Variants in GRID2 observed in about 807,000 individuals in gnomAD.
GRID2 encodes glutamate receptor ionotropic, delta-2.
A neutral mutation model predicts 114.8 loss-of-function variants in GRID2; 33 were observed. The ratio of observed to expected loss-of-function variants is 0.29; its 90% CI spans 0.22 to 0.38. The LOEUF is 0.38. Among genes scored for constraint, GRID2 ranks in the 10% least tolerant of loss-of-function variants. The pLI, the probability that GRID2 is intolerant of heterozygous loss-of-function variation, is 1.00. For synonymous variants in GRID2, 505 were observed against 449.9 expected, an observed-to-expected ratio of 1.12 and a Z score of -1.55; for missense variants, 1,184 against 1,257.7, an observed-to-expected ratio of 0.94 and a Z score of 0.89.
At chr4:92,789,547 C>T (rs189907563) in intron 2 of GRID2, among the ~76,000 whole-genome samples, 27 of 151,914 alleles carry the variant, frequency 1.8e-4, no homozygotes, top group East Asian at 1.6e-3. Context: ...TCTCCTCTTT[C>T]GGATCTATTG....
intron 8 of GRID2, among the ~76,000 whole-genome samples, chr4:93,253,432 G>A (rs1057482079): frequency 4.6e-5 from 7 of 151,960 alleles, no homozygotes; most frequent in Middle Eastern, 3.4e-3. Flanking sequence ...ATATTAGATC[G>A]TTTTAAATAA....
At chr4:93,068,189 G>T (rs1345701281) in intron 2 of GRID2, among the ~76,000 whole-genome samples, 1 of 151,998 alleles carries the variant, frequency 6.6e-6, no homozygotes, top group Non-Finnish European at 1.5e-5. Flanking sequence ...TTTAAAAAAT[G>T]TGAATAATGG....
At chr4:93,201,881 C>T (rs1035398868) in intron 4 of GRID2, among the ~76,000 whole-genome samples, 3 of 152,128 alleles carry the variant, frequency 2.0e-5, no homozygotes, top group African/African-American at 7.2e-5. Flanking sequence ...GACAGATGGT[C>T]TGTCCTTACT....
chr4:92,373,573 G>T (rs1729217217), intron 1 of GRID2, among the ~76,000 whole-genome samples: 1 of 152,152 alleles, frequency 6.6e-6, no homozygotes, highest in Non-Finnish European at 1.5e-5. Context: ...TGCCGGATAT[G>T]AATATTTTCT....
chr4:93,252,038 G>A (rs1267196286), intron 8 of GRID2, among the ~76,000 whole-genome samples: 1 of 151,978 alleles, frequency 6.6e-6, no homozygotes, highest in African/African-American at 2.4e-5. Flanking sequence ...CAGTCTTTAG[G>A]ACTTTCAGGA....
intron 8 of GRID2, among the ~76,000 whole-genome samples, chr4:93,387,664 T>C (rs777158334): frequency 6.6e-6 from 1 of 151,986 alleles, no homozygotes; most frequent in Non-Finnish European, 1.5e-5. Context: ...ACCCCATCTC[T>C]ACTAAAAATA....
At chr4:92,888,803 G>T (rs1238663937) in intron 2 of GRID2, among the ~76,000 whole-genome samples, 1 of 150,272 alleles carries the variant, frequency 6.7e-6, no homozygotes, top group South Asian at 2.1e-4. Context: ...ACCATATAGT[G>T]ATCCACTTAT....
chr4:93,012,765 A>T (rs1296432877), intron 2 of GRID2, among the ~76,000 whole-genome samples: 1 of 151,674 alleles, frequency 6.6e-6, no homozygotes, highest in Non-Finnish European at 1.5e-5. Context: ...GGGTTCTTTG[A>T]ATTGCTTACC....
intron 8 of GRID2, among the ~76,000 whole-genome samples, chr4:93,278,161 A>G (rs2149580790): frequency 6.6e-6 from 1 of 152,038 alleles, no homozygotes; most frequent in Non-Finnish European, 1.5e-5. Flanking sequence ...AAACATCGAT[A>G]ATGATTTCAA....
chr4:92,708,187 G>T (rs1431800521), intron 2 of GRID2, among the ~76,000 whole-genome samples: 1 of 152,158 alleles, frequency 6.6e-6, no homozygotes, highest in Non-Finnish European at 1.5e-5. Context: ...GGGAATGAAG[G>T]CAGTTTTACT....
intron 4 of GRID2, among the ~76,000 whole-genome samples, chr4:93,183,906 G>A (rs2149438764): frequency 6.6e-6 from 1 of 152,286 alleles, no homozygotes; most frequent in South Asian, 2.1e-4. Flanking sequence ...ATTTTTAAGT[G>A]TCCACTGTAC....
At chr4:93,661,569 TAAATAAGCCTTCTATA>T (rs1723493977) in intron 14 of GRID2, among the ~76,000 whole-genome samples, 1 of 152,146 alleles carries the variant, frequency 6.6e-6, no homozygotes, top group Non-Finnish European at 1.5e-5. Flanking sequence ...CAATATATAT[TAAATAAGCCTTCTATA>T]AACAGAAACA....
intron 10 of GRID2, 140 bp from the exon 11 acceptor site, chr4:93,455,522 C>T (rs1442020625): frequency 6.5e-6 from 4 of 618,542 alleles, no homozygotes; most frequent in South Asian, 6.0e-5. Context: ...TGTAAGAAGT[C>T]TATGCAGTGT....
At chr4:92,646,626 A>T (rs1731643770) in intron 2 of GRID2, among the ~76,000 whole-genome samples, 1 of 152,240 alleles carries the variant, frequency 6.6e-6, no homozygotes, top group Non-Finnish European at 1.5e-5. Flanking sequence ...GCTGGGGCTA[A>T]CAGTTTAATC....
intron 1 of GRID2, among the ~76,000 whole-genome samples, chr4:92,442,952 A>C (rs1439495140): frequency 6.6e-6 from 1 of 152,060 alleles, no homozygotes. Context: ...TGATAAAAAG[A>C]TTATAGGGTG....
intron 4 of GRID2, among the ~76,000 whole-genome samples, chr4:93,153,386 C>T (rs1247268337): frequency 2.6e-5 from 4 of 152,008 alleles, no homozygotes; most frequent in Non-Finnish European, 5.9e-5. Flanking sequence ...CTGATTTTTG[C>T]AGGCTTTCAG....
intron 1 of GRID2, among the ~76,000 whole-genome samples, chr4:92,360,573 TGA>T (rs1728567807): frequency 1.3e-5 from 2 of 151,918 alleles, no homozygotes; most frequent in South Asian, 4.1e-4. Context: ...TTTAAAGCAA[TGA>T]GAGACAAGTG....
intron 15 of GRID2, among the ~76,000 whole-genome samples, chr4:93,769,780 A>T (rs1733966747): frequency 1.3e-5 from 2 of 152,304 alleles, no homozygotes; most frequent in South Asian, 4.2e-4. Context: ...CAGTTCACAG[A>T]GATACTTACC....
intron 10 of GRID2, among the ~76,000 whole-genome samples, chr4:93,446,425 C>G (rs1194943396): frequency 1.3e-5 from 2 of 152,024 alleles, no homozygotes; most frequent in Admixed American, 1.3e-4. Context: ...ATAGGAAGAA[C>G]TTTGTGGCTA....
Sources: gnomAD v4.1 joint callset for allele counts (sites outside exome capture counted in the v4.1 genomes callset) on GRCh38, gnomAD v4.1.1 for gene constraint, MANE v1.5 for transcripts, NCBI Gene and HGNC (gene_info 2026-07-23, HGNC 2026-07-21) for gene names.